ZCCHC2: variants seen among roughly 807,000 people sequenced by gnomAD.
The protein encoded by ZCCHC2 is zinc finger CCHC-type containing 2.
In ZCCHC2, 39 loss-of-function variants were observed where a neutral mutation model predicts 103.6. The ratio of observed to expected loss-of-function variants is 0.38; its 90% CI spans 0.29 to 0.49. The LOEUF (loss-of-function observed/expected upper bound fraction) is 0.49. Among genes scored for constraint, ZCCHC2 ranks in the 20% least tolerant of loss-of-function variants. The pLI, the probability that ZCCHC2 is intolerant of heterozygous loss-of-function variation, is 0.96. For missense variants in ZCCHC2, 1,483 were observed against 1,491.0 expected (o/e 0.99, Z 0.09); for synonymous variants, 687 against 608.9 (o/e 1.13, Z -1.89).
At position 62,523,376 on chromosome 18, in the gene ZCCHC2, G is replaced by GGGGGCCCC; in HGVS notation, c.-49_-48insGGGGCCCC. 5 of 1,012,348 alleles carry GGGGGCCCC rather than the reference G, an allele frequency of 4.9e-6. No homozygotes were observed. The highest frequency in any genetic ancestry group is 1.8e-5 in the African/African-American group (1 of 56,958). 62.7% of individuals were successfully genotyped at this position (1,012,348 alleles called of 1,614,324 possible). On this transcript the variant is annotated 5_prime_UTR_variant, in exon 1 of 14. Coordinates refer to ENST00000269499, the MANE Select transcript of ZCCHC2 (RefSeq NM_017742.6). ...GCCTCGGCCCGTGCTCCACCTCGCGGCCCCTCCCGCCCGCCCCCGCTCGCA... is the reference window on the plus strand; with the variant it reads ...GCCTCGGCCCGTGCTCCACCTCGCGGGGGGCCCCCCCCTCCCGCCCGCCCCCGCTCGCA...
chr18:62,568,825 A>G (rs774409061), intron 11 of ZCCHC2, among the ~76,000 whole-genome samples: 8 of 152,176 alleles, frequency 5.3e-5, no homozygotes, highest in Non-Finnish European at 1.0e-4. Flanking sequence ...TGCAAGTTCT[A>G]TAGGTTTCAT....
chr18:62,573,987 A>G (rs1916695294), intron 12 of ZCCHC2, 70 bp from the exon 13 acceptor site: 8 of 1,455,486 alleles, frequency 5.5e-6, no homozygotes, highest in South Asian at 1.3e-5. Context: ...GGTATACTCA[A>G]TGTTTATTTC....
chr18:62,558,564 T>C, intron 6 of ZCCHC2, 123 bp from the exon 7 acceptor site: 1 of 552,624 alleles, frequency 1.8e-6, no homozygotes, highest in Non-Finnish European at 3.1e-6. Context: ...TTCTCACTAG[T>C]AGCCATGTTT....
chr18:62,578,484 G>T lies in ZCCHC2; in HGVS notation c.*1905G>T, dbSNP rs1260934563. On this transcript the variant is annotated 3_prime_UTR_variant, in exon 14 of 14. Coordinates refer to ENST00000269499, the MANE Select transcript of ZCCHC2 (RefSeq NM_017742.6). ...TACCATATACTTTGATATTTGAAAT[G>T]TTATGTACTGGAAAGGCCACTTATA... 6.6e-6 allele frequency: 1 copy of T among 152,540 alleles called. No homozygotes were observed. Among genetic ancestry groups the T allele is most frequent in the Non-Finnish European group, 1.5e-5 (1 of 68,020 alleles). The allele number at this position is 152,540 out of a possible 1,614,324, so 9.4% of individuals were successfully genotyped here. A position where few individuals can be genotyped will look rare whatever the true frequency, so the allele number is the denominator to read the frequency against.
At chr18:62,573,981 T>C in intron 12 of ZCCHC2, 76 bp from the exon 13 acceptor site, 1 of 1,395,030 alleles carries the variant, frequency 7.2e-7, no homozygotes, top group Non-Finnish European at 9.7e-7. Flanking sequence ...CTTTGAGGTA[T>C]ACTCAATGTT....
rs538750304 is a variant in ZCCHC2, at chr18:62,545,832, A to G, written c.1200+959A>G. ...AGTTTTAGGTTGTCTGCTTGTCACC[A>G]TAAGTGTGTTCTTTTCAGATCATTC... is the stretch of plus-strand genomic sequence containing the variant. On this transcript the variant is annotated intron_variant, in intron 4 of 13. Coordinates refer to ENST00000269499, the MANE Select transcript of ZCCHC2 (RefSeq NM_017742.6). 3.3e-5 allele frequency among the ~76,000 whole-genome samples: 5 copies of G among 152,358 alleles called. No individual in the cohort carries two copies. The South Asian group carries it at 1.0e-3, about 32-fold the overall frequency.
In ZCCHC2 at chr18:62,524,353, C is replaced by T. The variant is rs1237592889; in HGVS notation, c.929C>T (p.Pro310Leu). ...GTAGAGCCGTGCAAGTTTGCCGGCC[C>T]CAGGGCCCAGGTAAGGCGCACGGAG... ...VEVEPCKFAGPRAQNNSAHGD... is the reference protein window; with the variant it reads ...VEVEPCKFAGLRAQNNSAHGD... Residue 310 changes from proline (P) to leucine (L), a missense_variant, in exon 1 of 14, where the codon CCC becomes CTC. Pro to Leu is a moderately conservative substitution (Grantham distance 98, BLOSUM62 -3). Around this residue, in one of 3 missense-constraint regions of ZCCHC2, gnomAD observed 568 missense variants for 525.1 expected, o/e 1.08. Transcript: ENST00000269499. 11 of 1,523,958 alleles carry T rather than the reference C, an allele frequency of 7.2e-6. No homozygotes were observed. Among genetic ancestry groups the T allele is most frequent in the African/African-American group, 1.4e-5 (1 of 70,860 alleles). 94.4% of individuals were successfully genotyped at this position (1,523,958 alleles called of 1,614,324 possible). A position where few individuals can be genotyped will look rare whatever the true frequency, so the allele number is the denominator to read the frequency against.
chr18:62,556,357 C>T lies in ZCCHC2; in HGVS notation c.1408+60C>T, dbSNP rs537403824. 4.3e-4 allele frequency: 573 copies of T among 1,325,110 alleles called. 1 individual carries two copies. The highest frequency in any genetic ancestry group is 5.6e-4 in the Non-Finnish European group (540 of 960,764). 82.1% of individuals were successfully genotyped at this position (1,325,110 alleles called of 1,614,324 possible). On this transcript the variant is annotated intron_variant, in intron 6 of 13. Coordinates refer to ENST00000269499, the MANE Select transcript of ZCCHC2 (RefSeq NM_017742.6). ...TTCTTTGTTGGATTTTATTGCTTTACTGTGTCATTTTGTGTAGGTTTGTCA... is the reference window on the plus strand; with the variant it reads ...TTCTTTGTTGGATTTTATTGCTTTATTGTGTCATTTTGTGTAGGTTTGTCA...
At chr18:62,535,755 G>A (rs1914896838) in intron 1 of ZCCHC2, among the ~76,000 whole-genome samples, 1 of 152,170 alleles carries the variant, frequency 6.6e-6, no homozygotes, top group Non-Finnish European at 1.5e-5. Context: ...CACTGGGTGG[G>A]GAATTGGTTC....
At chr18:62,527,304 AC>A (rs1914474235) in intron 1 of ZCCHC2, among the ~76,000 whole-genome samples, 1 of 152,156 alleles carries the variant, frequency 6.6e-6, no homozygotes, top group Non-Finnish European at 1.5e-5. Flanking sequence ...TACAGACAGA[AC>A]ATGTCTTTAA....
Position 62,550,348 on chromosome 18 carries a change from C to T in ZCCHC2, c.1201C>T (p.Leu401Phe). The T allele has an allele frequency of 6.2e-7, 1 of 1,609,912 alleles. No homozygotes were observed. Among genetic ancestry groups the T allele is most frequent in the Non-Finnish European group, 8.5e-7 (1 of 1,177,630 alleles). Residue 401 changes from leucine to phenylalanine, a missense_variant and splice_region_variant, in exon 5 of 14, where the codon CTT becomes TTT. By Grantham distance (22) the Leu-to-Phe change is conservative. Coordinates refer to ENST00000269499, the MANE Select transcript of ZCCHC2 (RefSeq NM_017742.6). ...HQELQEFLLK[L>F]PKELSSETFD... The stretch of plus-strand genomic sequence containing the variant: ...GGATATTGTGGTTTTTCTTTTCTAG[C>T]TTCCAAAGGAACTGTCTTCAGAGAC...
intron 1 of ZCCHC2, among the ~76,000 whole-genome samples, chr18:62,539,116 G>A (rs936973908): frequency 1.3e-5 from 2 of 152,110 alleles, no homozygotes; most frequent in Admixed American, 1.3e-4. Context: ...AAGTTACCCC[G>A]GTTCACTAGT....
Position 62,576,495 on chromosome 18 carries a change from T to C in ZCCHC2, c.3470-17T>C. On this transcript the variant is annotated splice_polypyrimidine_tract_variant and intron_variant, in intron 13 of 13. Coordinates refer to ENST00000269499, the MANE Select transcript of ZCCHC2 (RefSeq NM_017742.6). Reference sequence around the variant, plus strand: ...TTGCTTGTAAGCGGTGACTTAGTTCTGTCTTTCCCATTTTAGGCACTTACA... The same window carrying C: ...TTGCTTGTAAGCGGTGACTTAGTTCCGTCTTTCCCATTTTAGGCACTTACA... 1 of 1,610,270 alleles carries C rather than the reference T, an allele frequency of 6.2e-7. No individual in the cohort carries two copies. The highest frequency in any genetic ancestry group is 8.5e-7 in the Non-Finnish European group (1 of 1,176,822).
At chr18:62,549,296 G>A (rs1049621823) in intron 4 of ZCCHC2, among the ~76,000 whole-genome samples, 5 of 152,098 alleles carry the variant, frequency 3.3e-5, no homozygotes, top group South Asian at 2.1e-4. Context: ...GTAGAATGCC[G>A]ACAGAGTCTT....
At chr18:62,551,813 A>C (rs1369745198) in intron 5 of ZCCHC2, 3 of 152,530 alleles carry the variant, frequency 2.0e-5, no homozygotes, top group Admixed American at 2.0e-4. Context: ...AATACATTAC[A>C]TAAAAGCAGT....
intron 3 of ZCCHC2, 129 bp from the exon 4 acceptor site, chr18:62,544,673 A>C: frequency 1.4e-6 from 1 of 696,500 alleles, no homozygotes; most frequent in Non-Finnish European, 2.3e-6. Flanking sequence ...ATGCCAGATT[A>C]ACTTTATATT....
chr18:62,555,118 A>G (rs1054982167), intron 5 of ZCCHC2, among the ~76,000 whole-genome samples: 22 of 152,298 alleles, frequency 1.4e-4, no homozygotes, highest in African/African-American at 4.1e-4. Flanking sequence ...TCTTGTAACC[A>G]TGAGAAATTG....
intron 1 of ZCCHC2, among the ~76,000 whole-genome samples, chr18:62,529,795 A>T (rs1052232445): frequency 6.6e-6 from 1 of 152,192 alleles, no homozygotes; most frequent in Non-Finnish European, 1.5e-5. Context: ...GTTGACTAAA[A>T]TATGTCTGTG....
At chr18:62,561,164 ACT>A (rs1436611171) in intron 8 of ZCCHC2, among the ~76,000 whole-genome samples, 1 of 152,212 alleles carries the variant, frequency 6.6e-6, no homozygotes, top group Non-Finnish European at 1.5e-5. Context: ...ACTGAAGAAC[ACT>A]TGAGTATTTC....
Sources: allele counts gnomAD v4.1 joint callset (sites outside exome capture counted in the v4.1 genomes callset), GRCh38; gene constraint gnomAD v4.1.1; regional missense constraint gnomAD v4.1.1; transcripts MANE v1.5; gene names NCBI Gene and HGNC (gene_info 2026-07-23, HGNC 2026-07-21).